RBFOX1: variants seen among roughly 807,000 people sequenced by gnomAD.
RBFOX1 encodes RNA binding protein fox-1 homolog 1.
In RBFOX1, 8 loss-of-function variants were observed where a neutral mutation model predicts 57.7. The observed-to-expected ratio is 0.14, with a 90% CI of 0.08 to 0.25. The LOEUF is 0.25. Among genes scored for constraint, RBFOX1 ranks in the 10% least tolerant of loss-of-function variants. RBFOX1 has a pLI of 1.00. For missense variants in RBFOX1, 611 were observed against 548.5 expected (o/e 1.11, Z -1.14); for synonymous variants, 326 against 222.4 (o/e 1.47, Z -4.15).
At chr16:7,468,155 C>G (rs1344184668) in intron 4 of RBFOX1, among the ~76,000 whole-genome samples, 2 of 152,186 alleles carry the variant, frequency 1.3e-5, no homozygotes, top group Admixed American at 6.5e-5. Context: ...GGCATTAAAT[C>G]TCCACAGTAA....
Position 6,427,101 on chromosome 16 carries a change from C to T in RBFOX1, c.-64+110044C>T, listed in dbSNP as rs77857209. On this transcript the variant is annotated intron_variant, in intron 2 of 15. Transcript: ENST00000550418. ...AGGGTTGATATGCTGTAGAGTGACACAGAAACCCGATAACAATGGGAAAAG... is the reference window on the plus strand; with the variant it reads ...AGGGTTGATATGCTGTAGAGTGACATAGAAACCCGATAACAATGGGAAAAG... 4.2e-4 allele frequency among the ~76,000 whole-genome samples: 64 copies of T among 152,264 alleles called. 1 individual carries two copies. Among genetic ancestry groups the T allele is most frequent in the African/African-American group, 1.4e-3 (58 of 41,542 alleles).
chr16:7,558,318 C>T (rs375940164), intron 5 of RBFOX1, among the ~76,000 whole-genome samples: 9 of 152,160 alleles, frequency 5.9e-5, no homozygotes, highest in East Asian at 1.9e-4. Flanking sequence ...TGTGCCATTG[C>T]ACTCTAGCCT....
chr16:5,974,746 C>T (rs939705343), intron 4 of RBFOX1, among the ~76,000 whole-genome samples: 2 of 152,292 alleles, frequency 1.3e-5, no homozygotes, highest in East Asian at 1.9e-4. Flanking sequence ...CAGTGGCTCA[C>T]GTCTGTAATC....
chr16:6,758,046 A>G (rs900967973), intron 3 of RBFOX1, among the ~76,000 whole-genome samples: 1 of 152,182 alleles, frequency 6.6e-6, no homozygotes, highest in African/African-American at 2.4e-5. Flanking sequence ...AGTCAGTCCA[A>G]ACTACTATCT....
At chr16:6,401,917 C>T (rs1215816518) in intron 2 of RBFOX1, among the ~76,000 whole-genome samples, 1 of 151,734 alleles carries the variant, frequency 6.6e-6, no homozygotes, top group Non-Finnish European at 1.5e-5. Context: ...ATTGTTTCCA[C>T]TTTAATGATG....
chr16:5,683,474 G>A (rs368749186), intron 3 of RBFOX1, among the ~76,000 whole-genome samples: 3 of 151,948 alleles, frequency 2.0e-5, no homozygotes, highest in East Asian at 1.9e-4. Context: ...GGCTGGGAAC[G>A]CAGATCCACC....
intron 1 of RBFOX1, among the ~76,000 whole-genome samples, chr16:6,191,041 G>A (rs539370926): frequency 5.3e-5 from 8 of 151,844 alleles, no homozygotes; most frequent in African/African-American, 1.9e-4. Context: ...GCCAAGGTCT[G>A]TGTGGTTCCT....
chr16:6,049,638 T>C (rs768178816), intron 1 of RBFOX1, among the ~76,000 whole-genome samples: 1 of 152,216 alleles, frequency 6.6e-6, no homozygotes, highest in Non-Finnish European at 1.5e-5. Flanking sequence ...CACTATTAAA[T>C]AGTGGTTTAA....
chr16:5,836,006 C>G (rs375236387), intron 3 of RBFOX1, among the ~76,000 whole-genome samples: 13 of 152,304 alleles, frequency 8.5e-5, no homozygotes, highest in African/African-American at 2.6e-4. Flanking sequence ...GAGGGAGGCT[C>G]TGGGCCTGGA....
intron 1 of RBFOX1, among the ~76,000 whole-genome samples, chr16:6,117,586 C>T (rs2096510191): frequency 6.6e-6 from 1 of 152,236 alleles, no homozygotes; most frequent in South Asian, 2.1e-4. Context: ...TGGCCTTCTG[C>T]CTTTTGCCGT....
At chr16:7,179,851 C>T (rs1482895306) in intron 4 of RBFOX1, among the ~76,000 whole-genome samples, 1 of 152,052 alleles carries the variant, frequency 6.6e-6, no homozygotes, top group Admixed American at 6.6e-5. Context: ...TCTCCTGCCT[C>T]AGCCTCCTGA....
At chr16:6,059,175 G>A (rs2095653735) in intron 1 of RBFOX1, 1 of 152,204 alleles carries the variant, frequency 6.6e-6, no homozygotes, top group Admixed American at 6.5e-5. Flanking sequence ...TGGACTTGGA[G>A]TAAAGGTTTT....
chr16:7,103,955 T>C (rs539152086), intron 4 of RBFOX1, among the ~76,000 whole-genome samples: 67 of 152,302 alleles, frequency 4.4e-4, no homozygotes, highest in African/African-American at 1.6e-3. Flanking sequence ...ATCTTCCAAG[T>C]ATCCGTTGGT....
intron 4 of RBFOX1, among the ~76,000 whole-genome samples, chr16:7,464,393 C>T (rs891969131): frequency 2.6e-5 from 4 of 151,932 alleles, no homozygotes; most frequent in Non-Finnish European, 5.9e-5. Flanking sequence ...ACAGTCGCAT[C>T]CAAGATCAAA....
At chr16:6,456,393 T>C (rs1465116820) in intron 2 of RBFOX1, among the ~76,000 whole-genome samples, 3 of 152,128 alleles carry the variant, frequency 2.0e-5, no homozygotes, top group Non-Finnish European at 4.4e-5. Flanking sequence ...ACTGCTGTTC[T>C]GAAGTTCTGG....
At chr16:5,887,637 C>G (rs1454814159) in intron 4 of RBFOX1, among the ~76,000 whole-genome samples, 2 of 152,128 alleles carry the variant, frequency 1.3e-5, no homozygotes, top group Non-Finnish European at 2.9e-5. Flanking sequence ...CTCCTGAACT[C>G]AAGTGATCCA....
chr16:6,974,948 G>A (rs7500598), intron 3 of RBFOX1, among the ~76,000 whole-genome samples: 122,513 of 152,082 alleles, frequency 0.81, 50,006 homozygotes, highest in African/African-American at 0.95. Flanking sequence ...TTTTTAAAAG[G>A]ATTGTTCTAA....
intron 4 of RBFOX1, among the ~76,000 whole-genome samples, chr16:7,251,749 G>C (rs2094506829): frequency 6.6e-6 from 1 of 152,128 alleles, no homozygotes; most frequent in African/African-American, 2.4e-5. Flanking sequence ...TGCACGCTTA[G>C]GTTGATTCCA....
At chr16:7,105,396 T>C (rs182375105) in intron 4 of RBFOX1, among the ~76,000 whole-genome samples, 1 of 151,966 alleles carries the variant, frequency 6.6e-6, no homozygotes, top group Admixed American at 6.6e-5. Flanking sequence ...AGTTCTTCAG[T>C]GGTGATTTGT....
Sources: allele counts gnomAD v4.1 joint callset (sites outside exome capture counted in the v4.1 genomes callset), GRCh38; gene constraint gnomAD v4.1.1; transcripts MANE v1.5; gene names NCBI Gene and HGNC (gene_info 2026-07-23, HGNC 2026-07-21).